The following PKIB variants were observed in gnomAD, a reference collection of about 807,000 sequenced individuals.
PKIB encodes PKI-beta.
A neutral mutation model predicts 4.5 loss-of-function variants in PKIB; 2 were observed. That is an observed-to-expected ratio of 0.44 (90% CI 0.18 to 1.39). PKIB has a LOEUF of 1.39. Among genes scored for constraint, PKIB ranks in the 40% most tolerant of loss-of-function variants. PKIB has a pLI of 0.27. For synonymous variants in PKIB, 38 were observed against 36.0 expected (o/e 1.06, Z -0.20); for missense variants, 94 against 92.6 (o/e 1.02, Z -0.06).
At chr6:122,581,787 G>A (rs1377579685) in intron 2 of PKIB, 1 of 151,538 alleles carries the variant, frequency 6.6e-6, no homozygotes, top group Non-Finnish European at 1.5e-5. Flanking sequence ...ATCTTTAATT[G>A]TGCCAGATGT....
intron 3 of PKIB, among the ~76,000 whole-genome samples, chr6:122,686,783 C>A (rs1778108744): frequency 6.6e-6 from 1 of 152,174 alleles, no homozygotes; most frequent in Non-Finnish European, 1.5e-5. Flanking sequence ...GGCACCACAT[C>A]CAGCCTTTTT....
At chr6:122,487,317 A>C (rs957365313) in intron 2 of PKIB, among the ~76,000 whole-genome samples, 1 of 152,166 alleles carries the variant, frequency 6.6e-6, no homozygotes, top group South Asian at 2.1e-4. Flanking sequence ...AAGTTAGTTA[A>C]ATTGTATCAT....
At chr6:122,619,230 G>A (rs1335775730) in intron 1 of PKIB, among the ~76,000 whole-genome samples, 1 of 152,096 alleles carries the variant, frequency 6.6e-6, no homozygotes, top group African/African-American at 2.4e-5. Context: ...GGATGTCAAA[G>A]TTATCAATCT....
At chr6:122,616,710 G>GTT (rs66471415) in intron 1 of PKIB, among the ~76,000 whole-genome samples, 8 of 147,822 alleles carry the variant, frequency 5.4e-5, no homozygotes, top group Non-Finnish European at 9.0e-5. Flanking sequence ...AGGGTGAGTA[G>GTT]TTTTTTTTTT....
chr6:122,652,318 G>T (rs1776589059), intron 2 of PKIB, among the ~76,000 whole-genome samples: 2 of 120,062 alleles, frequency 1.7e-5, no homozygotes, highest in African/African-American at 6.8e-5. Flanking sequence ...GTGTGTGTGT[G>T]TGTGTGTGTG....
intron 2 of PKIB, among the ~76,000 whole-genome samples, chr6:122,503,538 A>G (rs1776308676): frequency 6.6e-6 from 1 of 152,258 alleles, no homozygotes; most frequent in South Asian, 2.1e-4. Flanking sequence ...CTCTTTCTCT[A>G]TCACTTATCT....
chr6:122,723,420 C>T (rs1305092400), intron 4 of PKIB, among the ~76,000 whole-genome samples: 1 of 152,148 alleles, frequency 6.6e-6, no homozygotes, highest in Non-Finnish European at 1.5e-5. Flanking sequence ...ATTCATACTT[C>T]CAGTTAACAA....
intron 2 of PKIB, among the ~76,000 whole-genome samples, chr6:122,634,835 A>C (rs1394028812): frequency 6.6e-6 from 1 of 151,982 alleles, no homozygotes; most frequent in Non-Finnish European, 1.5e-5. Context: ...CCAGCTACTC[A>C]GGAGGCTGAG....
intron 2 of PKIB, among the ~76,000 whole-genome samples, chr6:122,496,778 C>A (rs1020511699): frequency 1.3e-5 from 2 of 151,980 alleles, no homozygotes; most frequent in Admixed American, 1.3e-4. Context: ...GATAAGGATA[C>A]AAAGTAAACC....
At chr6:122,578,047 A>G (rs1773601329) in intron 2 of PKIB, among the ~76,000 whole-genome samples, 1 of 152,002 alleles carries the variant, frequency 6.6e-6, no homozygotes, top group African/African-American at 2.4e-5. Flanking sequence ...CTTAGTGGGC[A>G]GGAATTATTA....
intron 2 of PKIB, among the ~76,000 whole-genome samples, chr6:122,497,693 A>G (rs1776115215): frequency 6.6e-6 from 1 of 152,200 alleles, no homozygotes; most frequent in African/African-American, 2.4e-5. Flanking sequence ...CATAATCAAC[A>G]ATGGAGCACC....
intron 2 of PKIB, among the ~76,000 whole-genome samples, chr6:122,487,737 C>T (rs1334403844): frequency 1.3e-5 from 2 of 152,152 alleles, no homozygotes; most frequent in African/African-American, 4.8e-5. Flanking sequence ...TTCCCAACCT[C>T]CAGAAATGTG....
At chr6:122,574,228 GA>G (rs1773463269) in intron 2 of PKIB, among the ~76,000 whole-genome samples, 1 of 152,134 alleles carries the variant, frequency 6.6e-6, no homozygotes, top group Non-Finnish European at 1.5e-5. Context: ...CCAAGTAGGT[GA>G]AAGATCACCT....
intron 2 of PKIB, chr6:122,480,719 G>A (rs1181683098): frequency 6.6e-6 from 1 of 151,992 alleles, no homozygotes; most frequent in Non-Finnish European, 1.5e-5. Flanking sequence ...ACAATTTTTA[G>A]TGGGTTGTGG....
At chr6:122,537,095 T>G (rs933223970) in intron 2 of PKIB, among the ~76,000 whole-genome samples, 1 of 152,062 alleles carries the variant, frequency 6.6e-6, no homozygotes, top group Non-Finnish European at 1.5e-5. Context: ...TGCCTTTTCC[T>G]CCTAGTTGCT....
At chr6:122,609,155 A>G (rs1162819009), upstream of PKIB, among the ~76,000 whole-genome samples, 2 of 152,156 alleles carry the variant, frequency 1.3e-5, no homozygotes, top group Non-Finnish European at 2.9e-5. Context: ...TTTTGCAATT[A>G]CTTTTGCACT....
At chr6:122,689,004 A>G (rs1462843376) in intron 3 of PKIB, among the ~76,000 whole-genome samples, 1 of 151,616 alleles carries the variant, frequency 6.6e-6, no homozygotes, top group Non-Finnish European at 1.5e-5. Flanking sequence ...GATGGTCTTG[A>G]TCTCCTGACC....
At chr6:122,632,993 T>A (rs950811543) in intron 1 of PKIB, among the ~76,000 whole-genome samples, 7 of 152,194 alleles carry the variant, frequency 4.6e-5, no homozygotes, top group African/African-American at 1.7e-4. Context: ...ATACAATTGA[T>A]GTGTTTGAAT....
chr6:122,613,251 A>G (rs1246767971), intron 1 of PKIB, among the ~76,000 whole-genome samples: 1 of 152,228 alleles, frequency 6.6e-6, no homozygotes, highest in East Asian at 1.9e-4. Context: ...TCTTCAATGC[A>G]AAATTTTAAT....
Sources: gnomAD v4.1 joint callset for allele counts (sites outside exome capture counted in the v4.1 genomes callset) on GRCh38, gnomAD v4.1.1 for gene constraint, MANE v1.5 for transcripts, NCBI Gene and HGNC (gene_info 2026-07-23, HGNC 2026-07-21) for gene names.